DYNC1H1: variants seen among roughly 807,000 people sequenced by gnomAD.
DYNC1H1 encodes the protein dynein cytoplasmic 1 heavy chain 1, also known as cytoplasmic dynein 1 heavy chain 1.
A neutral mutation model predicts 527.1 loss-of-function variants in DYNC1H1; 51 were observed. The observed-to-expected ratio is 0.10, with a 90% CI of 0.08 to 0.12. The LOEUF (loss-of-function observed/expected upper bound fraction) is 0.12. Ranked by LOEUF, DYNC1H1 falls within the 10% of genes least tolerant of loss-of-function variation. The pLI, the probability that DYNC1H1 is intolerant of heterozygous loss-of-function variation, is 1.00. For synonymous variants in DYNC1H1, 2,189 were observed against 2,278.8 expected (o/e 0.96, Z 1.12); for missense variants, 2,771 against 5,971.8 (o/e 0.46, Z 17.66).
In DYNC1H1 at chr14:101,990,629, C is replaced by T. The variant is rs2047985890; in HGVS notation, c.2869-898C>T. On this transcript the variant is annotated intron_variant, in intron 10 of 77. Transcript: ENST00000360184. ...GTGGCTTACCCCTGTAATCCCAGCACTTTGGGAGGCCAAGGTGGGCAGATC... is the reference window on the plus strand; with the variant it reads ...GTGGCTTACCCCTGTAATCCCAGCATTTTGGGAGGCCAAGGTGGGCAGATC... 2.0e-5 allele frequency among the ~76,000 whole-genome samples: 3 copies of T among 152,152 alleles called. No homozygotes were observed. In the East Asian group the frequency reaches 5.8e-4, roughly 29 times the overall value.
chr14:102,032,061 A>G (rs1490498700), intron 51 of DYNC1H1, among the ~76,000 whole-genome samples: 2 of 152,234 alleles, frequency 1.3e-5, no homozygotes, highest in East Asian at 3.8e-4. Context: ...AGCATTTTGT[A>G]AGATCTTCAT....
At chr14:102,025,845 C>T (rs373040662) in intron 43 of DYNC1H1, among the ~76,000 whole-genome samples, 1 of 151,490 alleles carries the variant, frequency 6.6e-6, no homozygotes, top group Non-Finnish European at 1.5e-5. Context: ...AGGCCAGGTG[C>T]GGTGGCTCAC....
In DYNC1H1 at chr14:102,039,179, G is replaced by T. The variant is rs528149981; in HGVS notation, c.11385G>T (p.Glu3795Asp). The change falls in exon 60 of 78, where the codon GAG (glutamate) becomes GAT (aspartate). Residue 3795 changes from glutamate (E) to aspartate (D), a missense_variant. Around this residue, in one of 32 missense-constraint regions of DYNC1H1, gnomAD observed 283 missense variants for 737.6 expected, o/e 0.38. Transcript: ENST00000360184. This position sits in a 1 kb window ranked among gnomAD's most constrained non-coding sequence, Gnocchi z 7.0. ...EETDIVMQEV[E>D]TVSQQYLPLS... is the part of the protein sequence containing the mutation. ...CGGACATTGTCATGCAGGAGGTGGA[G>T]ACCGTGTCCCAGCAGTACCTCCCGC... 3.1e-6 allele frequency: 5 copies of T among 1,614,176 alleles called. No homozygotes were observed. In the East Asian group the frequency reaches 1.1e-4, roughly 36 times the overall value.
At chr14:101,974,512 T>A (rs1162344100) in intron 1 of DYNC1H1, among the ~76,000 whole-genome samples, 1 of 152,270 alleles carries the variant, frequency 6.6e-6, no homozygotes, top group African/African-American at 2.4e-5. Flanking sequence ...CAGTACGTTA[T>A]TGCAAAGATA....
intron 28 of DYNC1H1, 53 bp downstream of exon 28, chr14:102,007,161 T>C (rs2048205860): frequency 1.4e-5 from 22 of 1,588,442 alleles, no homozygotes; most frequent in Non-Finnish European, 1.9e-5. Flanking sequence ...AGGGATCATT[T>C]GGGGAATATC....
Position 102,010,980 on chromosome 14 carries a change from G to C in DYNC1H1, c.6618+28G>C, listed in dbSNP as rs763459558. 1 of 1,612,044 alleles carries C rather than the reference G, an allele frequency of 6.2e-7. No homozygotes were observed. The highest frequency in any genetic ancestry group is 1.3e-5 in the African/African-American group (1 of 74,908). ...AACTTGGATTGTTTCACTGGCCACTGCCCTCACAGACCCTGCTGGCTTTAG... is the reference window on the plus strand; with the variant it reads ...AACTTGGATTGTTTCACTGGCCACTCCCCTCACAGACCCTGCTGGCTTTAG... On this transcript the variant is annotated intron_variant, in intron 32 of 77. Coordinates refer to ENST00000360184, the MANE Select transcript of DYNC1H1 (RefSeq NM_001376.5). The surrounding 1 kb of genome is among the most constrained non-coding windows in gnomAD (Gnocchi z 6.0).
chr14:101,993,187 T>C (rs2048017875), intron 11 of DYNC1H1, among the ~76,000 whole-genome samples: 2 of 152,126 alleles, frequency 1.3e-5, no homozygotes, highest in African/African-American at 4.8e-5. Context: ...ATCATGGTAT[T>C]GTCCTTGATT....
Position 102,033,989 on chromosome 14 carries a change from C to T in DYNC1H1, c.10427C>T (p.Thr3476Ile), listed in dbSNP as rs2048541292. The stretch of plus-strand genomic sequence containing the variant: ...TTTTCCTTTTAGGTAAACCGGAGCA[C>T]TGCTCTTCTGAAGAGCTTGTCTGCT... ...AAVEAKVNRS[T>I]ALLKSLSAER... The change falls in exon 55 of 78, where the codon ACT becomes ATT. Residue 3476 changes from threonine to isoleucine, a missense_variant. This residue lies in a region of DYNC1H1 where 283 missense variants were observed against 737.6 expected (regional missense o/e 0.38). Transcript: ENST00000360184. The surrounding 1 kb of genome is among the most constrained non-coding windows in gnomAD (Gnocchi z 5.6). 6.2e-7 allele frequency: 1 copy of T among 1,613,858 alleles called. No individual in the cohort carries two copies. Among genetic ancestry groups the T allele is most frequent in the Admixed American group, 1.7e-5 (1 of 60,004 alleles).
intron 11 of DYNC1H1, among the ~76,000 whole-genome samples, chr14:101,993,805 T>C (rs2048025510): frequency 6.6e-6 from 1 of 152,220 alleles, no homozygotes; most frequent in Admixed American, 6.5e-5. Flanking sequence ...GTTTTGCTTA[T>C]TCCCTAATCG....
In DYNC1H1 at chr14:102,011,092, C is replaced by A; in HGVS notation, c.6618+140C>A. ...ATAATATGCTTTATGAAGATTTGCCCAAGGCCTATTTGAATTTTTGTTGTT... is the reference window on the plus strand; with the variant it reads ...ATAATATGCTTTATGAAGATTTGCCAAAGGCCTATTTGAATTTTTGTTGTT... On this transcript the variant is annotated intron_variant, in intron 32 of 77. Transcript: ENST00000360184. The surrounding 1 kb of genome is among the most constrained non-coding windows in gnomAD (Gnocchi z 5.3). The A allele has an allele frequency of 1.1e-6, 1 of 917,148 alleles. No individual in the cohort carries two copies. The highest frequency in any genetic ancestry group is 1.8e-6 in the Non-Finnish European group (1 of 570,250). 56.8% of individuals were successfully genotyped at this position (917,148 alleles called of 1,614,324 possible).
In DYNC1H1 at chr14:102,004,921, A is replaced by G. The variant is rs1064797192; in HGVS notation, c.5209A>G (p.Thr1737Ala). ...FGKATSIDPN[T>A]YITWIDKYQA... ...TAAAGCAACTTCAATTGACCCAAATACCTACATCACTTGGATTGATAAATA... is the reference window on the plus strand; with the variant it reads ...TAAAGCAACTTCAATTGACCCAAATGCCTACATCACTTGGATTGATAAATA... Residue 1737 changes from threonine (T) to alanine (A), a missense_variant, in exon 25 of 78, where the codon ACC (threonine) becomes GCC (alanine). Around this residue, in one of 32 missense-constraint regions of DYNC1H1, gnomAD observed 105 missense variants for 138.1 expected, o/e 0.76. Transcript: ENST00000360184. 15 of 1,614,224 alleles carry G rather than the reference A, an allele frequency of 9.3e-6. No homozygotes were observed. Among genetic ancestry groups the G allele is most frequent in the Non-Finnish European group, 1.3e-5 (15 of 1,180,038 alleles).
At chr14:101,966,953 T>C (rs989253822) in intron 1 of DYNC1H1, among the ~76,000 whole-genome samples, 1 of 152,218 alleles carries the variant, frequency 6.6e-6, no homozygotes, top group Non-Finnish European at 1.5e-5. Context: ...CATAATGACT[T>C]GCACTTTTGA....
In DYNC1H1 at chr14:102,011,654, A is replaced by G; in HGVS notation, c.6619-221A>G. The G allele has an allele frequency of 1.8e-6, 1 of 569,464 alleles. No homozygotes were observed. Among genetic ancestry groups the G allele is most frequent in the Non-Finnish European group, 3.1e-6 (1 of 318,224 alleles). The allele number at this position is 569,464 out of a possible 1,614,324, so 35.3% of individuals were successfully genotyped here. A position where few individuals can be genotyped will look rare whatever the true frequency, so the allele number is the denominator to read the frequency against. On this transcript the variant is annotated intron_variant, in intron 32 of 77. Coordinates refer to ENST00000360184, the MANE Select transcript of DYNC1H1 (RefSeq NM_001376.5). The surrounding 1 kb of genome is among the most constrained non-coding windows in gnomAD (Gnocchi z 5.3). ...GTAAAGCCAGCTACTTGGGAGAGTG[A>G]GGAAGGAGAATCACTTGAACCTGGG...
rs200339812 is a variant in DYNC1H1 at position 102,012,051 on chromosome 14, C to T, written c.6795C>T (p.Tyr2265=). The T allele has an allele frequency of 6.0e-5, 97 of 1,614,046 alleles. No homozygotes were observed. Among genetic ancestry groups the T allele is most frequent in the Non-Finnish European group, 7.6e-5 (90 of 1,180,038 alleles). The change falls in exon 33 of 78, where the codon TAC becomes TAT. Residue 2265 remains tyrosine, a synonymous_variant. Coordinates refer to ENST00000360184, the MANE Select transcript of DYNC1H1 (RefSeq NM_001376.5). The surrounding 1 kb of genome is among the most constrained non-coding windows in gnomAD (Gnocchi z 4.9). ...DPKAISKDHL[Y]GTLDPNTREW... is the part of the protein sequence containing the mutation. ...AGGCCATCAGCAAAGACCACCTCTA[C>T]GGAACCCTGGACCCCAACACCAGGG...
intron 56 of DYNC1H1, chr14:102,034,882 C>T (rs10130336): frequency 0.062 from 17,001 of 275,822 alleles, 723 homozygotes; most frequent in African/African-American, 0.14. Context: ...GCCGAGATCA[C>T]GCCACTGCAC....
chr14:101,999,072 C>A (rs1233480975), intron 16 of DYNC1H1, among the ~76,000 whole-genome samples: 2 of 151,884 alleles, frequency 1.3e-5, no homozygotes, highest in East Asian at 3.9e-4. Context: ...TTAGTAGAGA[C>A]GGGGTTTCAA....
Position 102,027,854 on chromosome 14 carries a change from C to T in DYNC1H1, c.9263+21C>T. ...AACAGGTACGTGGGCCTTTACTTGG[C>T]TCTGGGTCAGGAAAGTCGGTGTCCT... On this transcript the variant is annotated intron_variant, in intron 47 of 77. Transcript: ENST00000360184. The surrounding 1 kb of genome is among the most constrained non-coding windows in gnomAD (Gnocchi z 7.7). 1 of 1,614,210 alleles carries T rather than the reference C, an allele frequency of 6.2e-7. No individual in the cohort carries two copies. The highest frequency in any genetic ancestry group is 8.5e-7 in the Non-Finnish European group (1 of 1,180,048).
In DYNC1H1 at chr14:101,986,894, A is replaced by G; in HGVS notation, c.2538+131A>G. 8.9e-7 allele frequency: 1 copy of G among 1,129,184 alleles called. No homozygotes were observed. Among genetic ancestry groups the G allele is most frequent in the Non-Finnish European group, 1.3e-6 (1 of 752,134 alleles). The allele number at this position is 1,129,184 out of a possible 1,614,324, so 69.9% of individuals were successfully genotyped here. A position where few individuals can be genotyped will look rare whatever the true frequency, so the allele number is the denominator to read the frequency against. The stretch of plus-strand genomic sequence containing the variant: ...GCAGCATACGGCCATGTGAGCTGCA[A>G]GGGAGGAGGACCCTTTGTACTCACC... On this transcript the variant is annotated intron_variant, in intron 8 of 77. Coordinates refer to ENST00000360184, the MANE Select transcript of DYNC1H1 (RefSeq NM_001376.5). This position sits in a 1 kb window ranked among gnomAD's most constrained non-coding sequence, Gnocchi z 8.7.
chr14:102,016,176 G>T lies in DYNC1H1; in HGVS notation c.7473+90G>T. On this transcript the variant is annotated intron_variant, in intron 36 of 77. Transcript: ENST00000360184. This position sits in a 1 kb window ranked among gnomAD's most constrained non-coding sequence, Gnocchi z 7.3. The stretch of plus-strand genomic sequence containing the variant: ...TGAAATGCTGCACCTGTGGGGATGT[G>T]CGCTCTCTCCTAGGCGAGGCAGAGC... The T allele has an allele frequency of 6.6e-7, 1 of 1,522,512 alleles. No homozygotes were observed. Among genetic ancestry groups the T allele is most frequent in the Admixed American group, 2.0e-5 (1 of 51,126 alleles). 94.3% of individuals were successfully genotyped at this position (1,522,512 alleles called of 1,614,324 possible). A position where few individuals can be genotyped will look rare whatever the true frequency, so the allele number is the denominator to read the frequency against.
Sources: allele counts gnomAD v4.1 joint callset (sites outside exome capture counted in the v4.1 genomes callset), GRCh38; gene constraint gnomAD v4.1.1; regional missense constraint gnomAD v4.1.1; non-coding constraint Gnocchi (gnomAD v3.1); transcripts MANE v1.5; gene names NCBI Gene and HGNC (gene_info 2026-07-23, HGNC 2026-07-21).